USP45: variants seen among roughly 807,000 people sequenced by gnomAD.
USP45 encodes ubiquitin specific peptidase 45.
USP45 carries 89 observed loss-of-function variants against 95.8 expected under a neutral mutation model. That is an observed-to-expected ratio of 0.93 (90% CI 0.78 to 1.11). The LOEUF (loss-of-function observed/expected upper bound fraction) is 1.11, where lower values mean the gene tolerates loss of function less well. Among genes scored for constraint, USP45 ranks in the 50% least tolerant of loss-of-function variants. The pLI is 0.00. For missense variants in USP45, 898 were observed against 942.5 expected, an observed-to-expected ratio of 0.95 and a Z score of 0.62; for synonymous variants, 281 against 316.2, an observed-to-expected ratio of 0.89 and a Z score of 1.18.
At position 99,507,428 on chromosome 6, in the gene USP45, C is replaced by A; in HGVS notation, c.377G>T (p.Trp126Leu). Residue 126 changes from tryptophan to leucine, a missense_variant and splice_region_variant, in exon 4 of 18, where the codon TGG becomes TTG. Coordinates refer to ENST00000500704, the MANE Select transcript of USP45 (RefSeq NM_001346022.3). ...CAAGAACTAACAAAATTTAACTTAC[C>A]ATATAATCCATGTGCTCAGATTAAT... ...IIINLSTWIIWCYECDEKLST... is the reference protein window; with the variant it reads ...IIINLSTWIILCYECDEKLST... 2 of 1,582,544 alleles carry A rather than the reference C, an allele frequency of 1.3e-6. No homozygotes were observed. Among genetic ancestry groups the A allele is most frequent in the South Asian group, 1.2e-5 (1 of 85,500 alleles).
chr6:99,507,475 T>C lies in USP45; in HGVS notation c.330A>G (p.Arg110=). Residue 110 remains arginine, a synonymous_variant, in exon 4 of 18, where the codon AGA becomes AGG. Transcript: ENST00000500704. Reference sequence around the variant, plus strand: ...TAATTATAATACAATGGGGCTCTGTTCTGGAACTCTTAAAGTGCTTCAATG... The same window carrying C: ...TAATTATAATACAATGGGGCTCTGTCCTGGAACTCTTAAAGTGCTTCAATG... The part of the protein sequence containing the change: ...QHSLKHFKSS[R]TEPHCIIINL... 6.2e-7 allele frequency: 1 copy of C among 1,613,476 alleles called. No individual in the cohort carries two copies. The highest frequency in any genetic ancestry group is 8.5e-7 in the Non-Finnish European group (1 of 1,179,714).
chr6:99,454,941 T>A (rs560855044), intron 13 of USP45, among the ~76,000 whole-genome samples: 1 of 151,260 alleles, frequency 6.6e-6, no homozygotes, highest in East Asian at 2.0e-4. Context: ...TACAAAAAAA[T>A]AAGCCCGGTG....
chr6:99,506,328 T>G (rs1371112923), intron 4 of USP45, among the ~76,000 whole-genome samples: 1 of 152,088 alleles, frequency 6.6e-6, no homozygotes, highest in Admixed American at 6.5e-5. Flanking sequence ...ATAAAAAAAC[T>G]TGTTTTTGGT....
intron 4 of USP45, 50 bp downstream of exon 4, chr6:99,507,378 A>AT: frequency 8.6e-7 from 1 of 1,162,506 alleles, no homozygotes; most frequent in Non-Finnish European, 1.2e-6. Context: ...AAAAAAAAAA[A>AT]TTGGGGGGCT....
At position 99,466,266 on chromosome 6, in the gene USP45, G is replaced by A. The variant is rs200847386; in HGVS notation, c.1107+406C>T. On this transcript the variant is annotated intron_variant, in intron 11 of 17. Transcript: ENST00000500704. Reference sequence around the variant, plus strand: ...AATTCCTGACCTCAAGTGATCCGCCGGCCTTGGCCTCCCAAAGTACTGGGA... The same window carrying A: ...AATTCCTGACCTCAAGTGATCCGCCAGCCTTGGCCTCCCAAAGTACTGGGA... 4.4e-4 allele frequency among the ~76,000 whole-genome samples: 67 copies of A among 152,090 alleles called. 1 individual carries two copies. Among genetic ancestry groups the A allele is most frequent in the African/African-American group, 1.4e-3 (58 of 41,502 alleles).
Position 99,482,781 on chromosome 6 carries a change from T to A in USP45, c.817A>T (p.Lys273Ter). ...KETEKGPLSP[K>*]VLFNQLCQKA... ...TGACAAAGCTGATTAAAAAGAACTT[T>A]AGGAGAAAGTGGTCCTTTTTCAGTC... The change falls in exon 8 of 18, where the codon AAA becomes TAA. Residue 273 changes from lysine to a stop codon, truncating the protein, a stop_gained. Coordinates refer to ENST00000500704, the MANE Select transcript of USP45 (RefSeq NM_001346022.3). LOFTEE classifies it high-confidence loss of function. 1 of 1,605,158 alleles carries A rather than the reference T, an allele frequency of 6.2e-7. No homozygotes were observed. Among genetic ancestry groups the A allele is most frequent in the Non-Finnish European group, 8.5e-7 (1 of 1,175,478 alleles).
chr6:99,464,504 G>T, intron 13 of USP45, 100 bp downstream of exon 13: 1 of 1,324,940 alleles, frequency 7.5e-7, no homozygotes, highest in Non-Finnish European at 1.0e-6. Flanking sequence ...ATGGGTACAT[G>T]AGAGTTTATT....
intron 16 of USP45, among the ~76,000 whole-genome samples, chr6:99,437,777 G>T (rs1250759291): frequency 6.6e-6 from 1 of 152,008 alleles, no homozygotes; most frequent in African/African-American, 2.4e-5. Flanking sequence ...CCTGCCTCAC[G>T]TTCCCAAGTA....
chr6:99,470,339 G>T (rs923508139), intron 9 of USP45, among the ~76,000 whole-genome samples: 4 of 152,112 alleles, frequency 2.6e-5, no homozygotes, highest in Non-Finnish European at 5.9e-5. Context: ...TATGATTTAT[G>T]TTTCTTCTGT....
intron 8 of USP45, among the ~76,000 whole-genome samples, chr6:99,481,591 C>T (rs1373565111): frequency 6.6e-6 from 1 of 152,008 alleles, no homozygotes; most frequent in African/African-American, 2.4e-5. Flanking sequence ...ATGCAAAGGT[C>T]CGGAGTACGA....
At chr6:99,472,562 T>G (rs1789702006) in intron 9 of USP45, among the ~76,000 whole-genome samples, 1 of 152,014 alleles carries the variant, frequency 6.6e-6, no homozygotes, top group Admixed American at 6.6e-5. Flanking sequence ...GACCACCACA[T>G]AGTAAACGTA....
chr6:99,480,061 A>G (rs1453316060), intron 8 of USP45, among the ~76,000 whole-genome samples: 2 of 152,238 alleles, frequency 1.3e-5, no homozygotes, highest in Non-Finnish European at 2.9e-5. Context: ...GGGTAGCAAG[A>G]AACAAGGTCA....
intron 8 of USP45, among the ~76,000 whole-genome samples, chr6:99,479,873 G>A (rs1034266667): frequency 3.9e-5 from 6 of 152,004 alleles, no homozygotes; most frequent in African/African-American, 1.4e-4. Context: ...TTTCCAAGAA[G>A]AGTCCTATTG....
chr6:99,515,102 G>A (rs964904804), intron 1 of USP45: 2 of 152,420 alleles, frequency 1.3e-5, no homozygotes, highest in African/African-American at 4.8e-5. Flanking sequence ...GGACGGAAAG[G>A]TGTGGGGCCG....
At chr6:99,499,198 G>A (rs1264002347) in intron 5 of USP45, among the ~76,000 whole-genome samples, 1 of 152,030 alleles carries the variant, frequency 6.6e-6, no homozygotes, top group Non-Finnish European at 1.5e-5. Context: ...TAACATACAG[G>A]CACAGGCTTT....
intron 7 of USP45, among the ~76,000 whole-genome samples, chr6:99,487,214 A>G (rs1794123344): frequency 6.6e-6 from 1 of 152,186 alleles, no homozygotes; most frequent in South Asian, 2.1e-4. Context: ...TCTAACTAGT[A>G]AAGTAGCATT....
At chr6:99,463,812 A>AC (rs1787174404) in intron 13 of USP45, among the ~76,000 whole-genome samples, 1 of 139,436 alleles carries the variant, frequency 7.2e-6, no homozygotes, top group Non-Finnish European at 1.5e-5. Flanking sequence ...AAAAAAAAAA[A>AC]AAAAAAAAAA....
At position 99,501,970 on chromosome 6, in the gene USP45, C is replaced by G. The variant is rs997865163; in HGVS notation, c.478+1795G>C. 1.3e-5 allele frequency: 17 copies of G among 1,303,240 alleles called. No individual in the cohort carries two copies. The African/African-American group carries it at 2.6e-4, about 20-fold the overall frequency. 80.7% of individuals were successfully genotyped at this position (1,303,240 alleles called of 1,614,324 possible). On this transcript the variant is annotated intron_variant, in intron 5 of 17. Coordinates refer to ENST00000500704, the MANE Select transcript of USP45 (RefSeq NM_001346022.3). ...AACTGACTCACTGTGGGCCCCTAGA[C>G]AGTTTATGCTGAAGAGATGAATCAG...
rs980394064 is a variant in USP45, at chr6:99,450,550, C to T, written c.1309-4087G>A. Among the ~76,000 whole-genome samples, 4 of 152,236 alleles carry T rather than the reference C, an allele frequency of 2.6e-5. No homozygotes were observed. In the East Asian group the frequency reaches 7.7e-4, roughly 29 times the overall value. On this transcript the variant is annotated intron_variant, in intron 13 of 17. Coordinates refer to ENST00000500704, the MANE Select transcript of USP45 (RefSeq NM_001346022.3). ...AATAGAGGCAATAATTAATAGCCTA[C>T]CAATCAAAAAAAGTTGAGGACCAGA...
Sources: gnomAD v4.1 joint callset for allele counts (sites outside exome capture counted in the v4.1 genomes callset) on GRCh38, gnomAD v4.1.1 for gene constraint, MANE v1.5 for transcripts, NCBI Gene and HGNC (gene_info 2026-07-23, HGNC 2026-07-21) for gene names.